The following BRWD1 variants were observed in gnomAD, a reference collection of about 807,000 sequenced individuals.
BRWD1 encodes the protein bromodomain and WD repeat domain containing 1.
In BRWD1, 82 loss-of-function variants were observed where a neutral mutation model predicts 251.2. That is an observed-to-expected ratio of 0.33 (90% confidence interval 0.27 to 0.39). The LOEUF is 0.39. Ranked by LOEUF, BRWD1 falls within the 10% of genes least tolerant of loss-of-function variation. The pLI is 1.00. For missense variants in BRWD1, 2,233 were observed against 2,711.6 expected (o/e 0.82, Z 3.92); for synonymous variants, 918 against 902.8 (o/e 1.02, Z -0.30).
intron 8 of BRWD1, among the ~76,000 whole-genome samples, chr21:39,285,871 CAAAA>C (rs113834787): frequency 6.9e-5 from 7 of 101,444 alleles, no homozygotes; most frequent in Admixed American, 2.5e-4. Flanking sequence ...GCCCAGTCAA[CAAAA>C]AAAAAAAAAA....
At chr21:39,214,048 G>C (rs1483423186) in intron 32 of BRWD1, among the ~76,000 whole-genome samples, 1 of 152,050 alleles carries the variant, frequency 6.6e-6, no homozygotes, top group Non-Finnish European at 1.5e-5. Context: ...AAAATGGGTA[G>C]ATAATTTTCC....
chr21:39,305,959 AG>A (rs1159350675), intron 4 of BRWD1, among the ~76,000 whole-genome samples: 1 of 151,438 alleles, frequency 6.6e-6, no homozygotes, highest in East Asian at 1.9e-4. Context: ...ACCTGTGCCC[AG>A]GAGTTTGACG....
chr21:39,200,061 A>G (rs550762453), intron 39 of BRWD1, among the ~76,000 whole-genome samples, 158 bp downstream of exon 39: 1 of 152,288 alleles, frequency 6.6e-6, no homozygotes, highest in African/African-American at 2.4e-5. Context: ...CCTTTTCTTC[A>G]CTTTTTAATG....
At chr21:39,320,212 C>A (rs921000277) in intron 1 of BRWD1, among the ~76,000 whole-genome samples, 8 of 152,192 alleles carry the variant, frequency 5.3e-5, no homozygotes, top group Non-Finnish European at 1.2e-4. Flanking sequence ...AGCTCCTTTC[C>A]TGCCAAGCCA....
At chr21:39,313,002 G>A (rs1259358226) in intron 3 of BRWD1, 70 bp downstream of exon 3, 10 of 1,163,920 alleles carry the variant, frequency 8.6e-6, no homozygotes, top group Non-Finnish European at 9.6e-6. Context: ...CGGGGGGCGC[G>A]GGCGAGCATC....
intron 4 of BRWD1, among the ~76,000 whole-genome samples, chr21:39,308,298 A>G (rs908899439): frequency 2.6e-5 from 4 of 152,106 alleles, no homozygotes; most frequent in Admixed American, 2.6e-4. Flanking sequence ...CCGGGCCAAC[A>G]TGGTGAAACC....
intron 4 of BRWD1, among the ~76,000 whole-genome samples, chr21:39,311,936 TG>T (rs1367966687): frequency 2.6e-5 from 4 of 152,216 alleles, no homozygotes; most frequent in Non-Finnish European, 5.9e-5. Flanking sequence ...CTTCCAACTG[TG>T]GTAAAAGATC....
chr21:39,304,684 C>A (rs558090097), intron 4 of BRWD1, among the ~76,000 whole-genome samples: 6 of 151,424 alleles, frequency 4.0e-5, no homozygotes, highest in Admixed American at 3.9e-4. Flanking sequence ...ACGCTGTTTA[C>A]GGGAGATAAA....
intron 8 of BRWD1, among the ~76,000 whole-genome samples, chr21:39,280,690 C>G (rs718225): frequency 0.92 from 140,664 of 152,278 alleles, 65,295 homozygotes; most frequent in African/African-American, 0.96. Context: ...GACTTAAGTA[C>G]AATTAAGGTA....
In BRWD1 at chr21:39,193,907, T is replaced by C. The variant is rs2031681261; in HGVS notation, c.*2352A>G. Reference sequence around the variant, plus strand: ...TGTGTCACATATTCAAAGTTAACCTTAGGAATAGCACCATAACCAAAAAAA... The same window carrying C: ...TGTGTCACATATTCAAAGTTAACCTCAGGAATAGCACCATAACCAAAAAAA... On this transcript the variant is annotated 3_prime_UTR_variant, in exon 41 of 41. Coordinates refer to ENST00000342449, the MANE Select transcript of BRWD1 (RefSeq NM_033656.4). 1.0e-6 allele frequency: 1 copy of C among 985,498 alleles called. No homozygotes were observed. Among genetic ancestry groups the C allele is most frequent in the African/African-American group, 1.7e-5 (1 of 57,316 alleles). 61.0% of individuals were successfully genotyped at this position (985,498 alleles called of 1,614,324 possible). A position where few individuals can be genotyped will look rare whatever the true frequency, so the allele number is the denominator to read the frequency against.
intron 2 of BRWD1, 61 bp downstream of exon 2, chr21:39,313,179 AC>A: frequency 3.4e-6 from 5 of 1,492,306 alleles, no homozygotes; most frequent in Admixed American, 2.2e-5. Flanking sequence ...ACCACCCGCG[AC>A]CCCCGGCGGC....
At chr21:39,258,792 C>T in intron 17 of BRWD1, 120 bp from the exon 18 acceptor site, 1 of 667,462 alleles carries the variant, frequency 1.5e-6, no homozygotes, top group Non-Finnish European at 2.3e-6. Context: ...TGAAAAATAA[C>T]CAGTTTAAAA....
chr21:39,223,791 C>G (rs1204243496), intron 29 of BRWD1, among the ~76,000 whole-genome samples: 1 of 151,894 alleles, frequency 6.6e-6, no homozygotes, highest in Non-Finnish European at 1.5e-5. Context: ...GAAGGAAGAC[C>G]AAGGGTAAAA....
chr21:39,217,751 C>T (rs2033013797), intron 31 of BRWD1, among the ~76,000 whole-genome samples: 1 of 152,186 alleles, frequency 6.6e-6, no homozygotes. Context: ...TAAGATTCTG[C>T]ACCTTGGTTA....
In BRWD1 at chr21:39,218,269, A is replaced by G. The variant is rs773389929; in HGVS notation, c.3542T>C (p.Ile1181Thr). ...AACAGGGCCTGCAAAAGCTGCTGCT[A>G]TATCTGTTAGGGAAGACAGGAGAGT... ...SGIDQLLNLDIAAAFAGPVDL... is the reference protein window; with the variant it reads ...SGIDQLLNLDTAAAFAGPVDL... The change falls in exon 31 of 41, where the codon ATA (isoleucine) becomes ACA (threonine). Residue 1181 changes from isoleucine to threonine, a missense_variant. By Grantham distance (89) the Ile-to-Thr change is moderately conservative (BLOSUM62 -1). Coordinates refer to ENST00000342449, the MANE Select transcript of BRWD1 (RefSeq NM_033656.4). 3.2e-5 allele frequency: 52 copies of G among 1,605,944 alleles called. No homozygotes were observed. The highest frequency in any genetic ancestry group is 3.7e-5 in the Non-Finnish European group (44 of 1,178,022).
intron 21 of BRWD1, among the ~76,000 whole-genome samples, chr21:39,244,141 G>GC (rs1424987882): frequency 5.3e-5 from 8 of 151,780 alleles, no homozygotes; most frequent in Admixed American, 2.6e-4. Context: ...TCGGCTCACT[G>GC]CAAGTTCTGC....
chr21:39,199,846 G>T (rs182449548), intron 39 of BRWD1, among the ~76,000 whole-genome samples, 184 bp from the exon 40 acceptor site: 2 of 152,278 alleles, frequency 1.3e-5, no homozygotes, highest in African/African-American at 4.8e-5. Flanking sequence ...TGCCTCCTGG[G>T]TGCAAGCGAT....
intron 36 of BRWD1, among the ~76,000 whole-genome samples, chr21:39,208,678 C>T (rs1306942942): frequency 6.6e-6 from 1 of 152,126 alleles, no homozygotes; most frequent in Non-Finnish European, 1.5e-5. Flanking sequence ...TCATTTCAAG[C>T]GGTTCTCATG....
At chr21:39,255,201 A>C (rs1229830756) in intron 19 of BRWD1, among the ~76,000 whole-genome samples, 1 of 152,150 alleles carries the variant, frequency 6.6e-6, no homozygotes, top group Non-Finnish European at 1.5e-5. Flanking sequence ...GCCTGAGGTC[A>C]GGAGTTCGAG....
Sources: allele counts gnomAD v4.1 joint callset (sites outside exome capture counted in the v4.1 genomes callset), GRCh38; gene constraint gnomAD v4.1.1; transcripts MANE v1.5; gene names NCBI Gene and HGNC (gene_info 2026-07-23, HGNC 2026-07-21).